Variants in LAMA2 observed in about 807,000 individuals in gnomAD.
LAMA2 encodes the protein laminin subunit alpha 2, also known as laminin subunit alpha-2.
A neutral mutation model predicts 364.8 loss-of-function variants in LAMA2; 269 were observed. That is an observed-to-expected ratio of 0.74 (90% CI 0.67 to 0.82). The LOEUF is 0.82. Among genes scored for constraint, LAMA2 ranks in the 40% least tolerant of loss-of-function variants. LAMA2 has a pLI of 0.00. For synonymous variants in LAMA2, 1,379 were observed against 1,370.6 expected (o/e 1.01, Z -0.14); for missense variants, 3,807 against 3,873.2 (o/e 0.98, Z 0.45).
intron 1 of LAMA2, among the ~76,000 whole-genome samples, chr6:129,020,057 G>GCC: frequency 6.8e-6 from 1 of 146,442 alleles, no homozygotes; most frequent in East Asian, 2.0e-4. Context: ...CTGCACTCCA[G>GCC]CCTGGGCGAC....
chr6:129,126,531 A>G (rs187517062), intron 4 of LAMA2, among the ~76,000 whole-genome samples: 6 of 151,104 alleles, frequency 4.0e-5, no homozygotes, highest in South Asian at 2.1e-4. Context: ...AATGTGTACA[A>G]TTCTACTGGT....
intron 29 of LAMA2, among the ~76,000 whole-genome samples, chr6:129,334,335 C>G (rs557643264): frequency 6.0e-4 from 92 of 152,262 alleles, no homozygotes; most frequent in African/African-American, 2.1e-3. Flanking sequence ...TGAATGAGGT[C>G]TTAGTTTCTT....
chr6:128,893,583 T>A (rs914863048), intron 1 of LAMA2, among the ~76,000 whole-genome samples: 4 of 152,074 alleles, frequency 2.6e-5, no homozygotes, highest in Non-Finnish European at 4.4e-5. Flanking sequence ...AAAGTGTACA[T>A]CAGCTTCCTA....
intron 1 of LAMA2, among the ~76,000 whole-genome samples, chr6:128,981,378 C>T (rs1015930325): frequency 1.3e-5 from 2 of 152,036 alleles, no homozygotes; most frequent in Non-Finnish European, 2.9e-5. Context: ...TTCAGCATCT[C>T]ACCCTTGCCT....
intron 52 of LAMA2, among the ~76,000 whole-genome samples, chr6:129,474,737 A>G (rs1377514304): frequency 6.6e-6 from 1 of 152,196 alleles, no homozygotes; most frequent in Non-Finnish European, 1.5e-5. Context: ...GGAATTATCT[A>G]TAAAGGTGTG....
intron 2 of LAMA2, among the ~76,000 whole-genome samples, chr6:129,059,242 A>G (rs1027410188): frequency 6.6e-6 from 1 of 152,196 alleles, no homozygotes; most frequent in Non-Finnish European, 1.5e-5. Flanking sequence ...CTGAGCCTCA[A>G]TATCTCATAG....
In LAMA2 at chr6:129,438,648, A is replaced by G; in HGVS notation, c.5971A>G (p.Asn1991Asp). ...AKKLANDVKE[N>D]EDHLNGLKTR... ...TTTTTTTTGTTTTTTATTCGCAGAA[A>G]ATGAAGACCATCTAAATGGCTTAAA... Residue 1991 changes from asparagine (N) to aspartate (D), a missense_variant and splice_region_variant, in exon 42 of 65, where the codon AAT (asparagine) becomes GAT (aspartate). Asn to Asp is a conservative substitution (Grantham distance 23). This residue lies in a region of LAMA2 where 3,333 missense variants were observed against 3,345.7 expected (regional missense o/e 1.00). Transcript: ENST00000421865. 2 of 1,537,746 alleles carry G rather than the reference A, an allele frequency of 1.3e-6. No homozygotes were observed. Among genetic ancestry groups the G allele is most frequent in the Non-Finnish European group, 1.8e-6 (2 of 1,110,908 alleles).
In LAMA2 at chr6:128,929,766, G is replaced by A. The variant is rs1271561651; in HGVS notation, c.112+46409G>A. ...ATCGTAGCTGGATATTGGAAAACGTGTAAAACCACAACTGTCTCCTGACTT... is the reference window on the plus strand; with the variant it reads ...ATCGTAGCTGGATATTGGAAAACGTATAAAACCACAACTGTCTCCTGACTT... On this transcript the variant is annotated intron_variant, in intron 1 of 64. Transcript: ENST00000421865. The A allele has an allele frequency of 5.4e-6, 6 of 1,115,912 alleles. No individual in the cohort carries two copies. The Admixed American group carries it at 8.5e-5, about 16-fold the overall frequency. The allele number at this position is 1,115,912 out of a possible 1,614,324, so 69.1% of individuals were successfully genotyped here.
intron 29 of LAMA2, among the ~76,000 whole-genome samples, chr6:129,340,729 C>T (rs1404694776): frequency 2.1e-5 from 3 of 145,356 alleles, no homozygotes; most frequent in Admixed American, 7.1e-5. Flanking sequence ...ACCAGCTACT[C>T]GGGAAGGTGA....
chr6:129,372,953 G>C (rs1437781151), intron 34 of LAMA2, among the ~76,000 whole-genome samples: 1 of 152,080 alleles, frequency 6.6e-6, no homozygotes, highest in Non-Finnish European at 1.5e-5. Context: ...TCTTTGGTAA[G>C]GTGTCTATTT....
At chr6:129,122,348 G>A (rs1445392541) in intron 4 of LAMA2, among the ~76,000 whole-genome samples, 1 of 152,104 alleles carries the variant, frequency 6.6e-6, no homozygotes, top group Non-Finnish European at 1.5e-5. Context: ...TTTACTCTGT[G>A]CAACTGGATT....
chr6:129,439,743 TTAA>T (rs1782006788), intron 42 of LAMA2, among the ~76,000 whole-genome samples: 1 of 151,144 alleles, frequency 6.6e-6, no homozygotes. Flanking sequence ...TATTGAGTAC[TTAA>T]TATACTTATG....
In LAMA2 at chr6:129,278,302, G is replaced by A. The variant is rs985599795; in HGVS notation, c.2451-1759G>A. Among the ~76,000 whole-genome samples the A allele has an allele frequency of 2.0e-5, 3 of 152,172 alleles. No individual in the cohort carries two copies. In the East Asian group the frequency reaches 5.8e-4, roughly 29 times the overall value. On this transcript the variant is annotated intron_variant, in intron 17 of 64. Coordinates refer to ENST00000421865, the MANE Select transcript of LAMA2 (RefSeq NM_000426.4). ...TGATTTAGGATTATAAAAAACAATT[G>A]GTATGGTTTTCTTTCAATCAGTGTA... is the stretch of plus-strand genomic sequence containing the variant.
At chr6:129,071,326 A>C (rs1214268462) in intron 3 of LAMA2, among the ~76,000 whole-genome samples, 2 of 151,966 alleles carry the variant, frequency 1.3e-5, no homozygotes, top group African/African-American at 4.8e-5. Flanking sequence ...ATAGGTCTTC[A>C]TAATTTCATT....
chr6:129,225,186 T>G (rs1347129527), intron 12 of LAMA2, among the ~76,000 whole-genome samples: 1 of 152,180 alleles, frequency 6.6e-6, no homozygotes, highest in Non-Finnish European at 1.5e-5. Flanking sequence ...GATATCCCCT[T>G]TATCATTTTT....
At chr6:129,190,748 A>G (rs1236212014) in intron 11 of LAMA2, among the ~76,000 whole-genome samples, 1 of 152,182 alleles carries the variant, frequency 6.6e-6, no homozygotes, top group Non-Finnish European at 1.5e-5. Context: ...CATAATACAT[A>G]TTATCCACCA....
intron 8 of LAMA2, among the ~76,000 whole-genome samples, chr6:129,163,099 TA>T (rs1261474120): frequency 1.3e-5 from 2 of 152,276 alleles, no homozygotes; most frequent in African/African-American, 4.8e-5. Context: ...AATTTTAGGC[TA>T]TTTTTTTTAT....
At chr6:129,494,475 A>G (rs182103800) in intron 58 of LAMA2, among the ~76,000 whole-genome samples, 36 of 152,362 alleles carry the variant, frequency 2.4e-4, no homozygotes, top group Admixed American at 1.2e-3. Flanking sequence ...TGGAAAAAGC[A>G]TACCCACATA....
At chr6:129,294,284 A>AAGCT (rs1789934658) in intron 20 of LAMA2, among the ~76,000 whole-genome samples, 2 of 152,206 alleles carry the variant, frequency 1.3e-5, no homozygotes, top group Non-Finnish European at 2.9e-5. Context: ...TGAGAGAAGG[A>AAGCT]TACTCTTGTG....
Sources: allele counts gnomAD v4.1 joint callset (sites outside exome capture counted in the v4.1 genomes callset), GRCh38; gene constraint gnomAD v4.1.1; regional missense constraint gnomAD v4.1.1; transcripts MANE v1.5; gene names NCBI Gene and HGNC (gene_info 2026-07-23, HGNC 2026-07-21).